TRRAP: variants seen among roughly 807,000 people sequenced by gnomAD.
TRRAP encodes transformation/transcription domain associated protein, also known as transformation/transcription domain-associated protein.
TRRAP carries 41 observed loss-of-function variants against 438.8 expected under a neutral mutation model. The ratio of observed to expected loss-of-function variants is 0.09; its 90% CI spans 0.07 to 0.12. The LOEUF (loss-of-function observed/expected upper bound fraction) is 0.12. Ranked by LOEUF, TRRAP falls within the 10% of genes least tolerant of loss-of-function variation. The pLI is 1.00. For missense variants in TRRAP, 3,122 were observed against 5,055.1 expected, an observed-to-expected ratio of 0.62 and a Z score of 11.60; for synonymous variants, 1,994 against 1,962.9, an observed-to-expected ratio of 1.02 and a Z score of -0.42.
At position 98,931,526 on chromosome 7, in the gene TRRAP, T is replaced by C; in HGVS notation, c.3713T>C (p.Phe1238Ser). 1 of 1,614,132 alleles carries C rather than the reference T, an allele frequency of 6.2e-7. No individual in the cohort carries two copies. The highest frequency in any genetic ancestry group is 1.3e-5 in the African/African-American group (1 of 75,044). Residue 1238 changes from phenylalanine (F) to serine (S), a missense_variant, in exon 26 of 73, where the codon TTC (phenylalanine) becomes TCC (serine). Coordinates refer to ENST00000456197, the MANE Select transcript of TRRAP (RefSeq NM_001375524.1). The stretch of plus-strand genomic sequence containing the variant: ...ATCGTGGCCGCCCAGGAAAAGTCTT[T>C]CCACCATGTGACACACGACTTGGTT... ...EEIVAAQEKSFHHVTHDLVRE... is the reference protein window; with the variant it reads ...EEIVAAQEKSSHHVTHDLVRE...
Position 98,933,338 on chromosome 7 carries a change from C to T in TRRAP, c.3950C>T (p.Thr1317Met), listed in dbSNP as rs782091419. The T allele has an allele frequency of 8.7e-6, 14 of 1,614,026 alleles. No homozygotes were observed. Among genetic ancestry groups the T allele is most frequent in the Admixed American group, 1.7e-5 (1 of 60,008 alleles). Residue 1317 changes from threonine (T) to methionine (M), a missense_variant, in exon 27 of 73, where the codon ACG becomes ATG. Thr to Met is a moderately conservative substitution (Grantham distance 81, BLOSUM62 -1). Transcript: ENST00000456197. ...GLMEGNTFCT[T>M]LQPRLFTMDL... ...ATGGAGGGGAACACGTTCTGTACCA[C>T]GTTGCAGCCCAGGCTCTTCACAATG...
intron 18 of TRRAP, among the ~76,000 whole-genome samples, 197 bp from the exon 19 acceptor site, chr7:98,915,526 A>T: frequency 6.6e-6 from 1 of 152,198 alleles, no homozygotes; most frequent in East Asian, 1.9e-4. Flanking sequence ...TTTGTTACAG[A>T]TACCAACATA....
rs1791925630 is a variant in TRRAP at position 98,962,175 on chromosome 7, C to G, written c.6704-127C>G. ...GCCCAGAGGTGAGGCCCACACTGTCCTGCAGGGAGAGAAGTGCCCGTGCCA... is the reference window on the plus strand; with the variant it reads ...GCCCAGAGGTGAGGCCCACACTGTCGTGCAGGGAGAGAAGTGCCCGTGCCA... On this transcript the variant is annotated intron_variant, in intron 46 of 72. Transcript: ENST00000456197. 6 of 1,427,346 alleles carry G rather than the reference C, an allele frequency of 4.2e-6. No homozygotes were observed. In the South Asian group the frequency reaches 6.4e-5, roughly 15 times the overall value. The allele number at this position is 1,427,346 out of a possible 1,614,324, so 88.4% of individuals were successfully genotyped here. A position where few individuals can be genotyped will look rare whatever the true frequency, so the allele number is the denominator to read the frequency against.
intron 7 of TRRAP, among the ~76,000 whole-genome samples, chr7:98,896,237 T>A (rs1321775069): frequency 2.0e-5 from 3 of 151,540 alleles, no homozygotes; most frequent in Non-Finnish European, 4.4e-5. Flanking sequence ...TTTTACTAAC[T>A]TTTTTTTCGA....
chr7:98,925,371 C>A, intron 22 of TRRAP, 108 bp downstream of exon 22: 1 of 1,426,932 alleles, frequency 7.0e-7, no homozygotes, highest in Non-Finnish European at 9.5e-7. Flanking sequence ...TCCTTGAAGT[C>A]CAGCAGATGC....
chr7:98,985,857 C>T (rs1363957526), intron 62 of TRRAP, among the ~76,000 whole-genome samples: 1 of 152,206 alleles, frequency 6.6e-6, no homozygotes, highest in East Asian at 1.9e-4. Context: ...AGTATATTTA[C>T]AGTGTTACAC....
At chr7:98,972,093 A>G in intron 53 of TRRAP, 148 bp downstream of exon 53, 1 of 1,182,158 alleles carries the variant, frequency 8.5e-7, no homozygotes, top group Non-Finnish European at 1.1e-6. Flanking sequence ...CCCAGCCTGC[A>G]GTCTAGTGGC....
intron 10 of TRRAP, among the ~76,000 whole-genome samples, chr7:98,900,261 T>C (rs1796416155): frequency 6.6e-6 from 1 of 152,146 alleles, no homozygotes; most frequent in South Asian, 2.1e-4. Flanking sequence ...CTGTGTCATT[T>C]GAGGGCAGCA....
At chr7:98,953,104 T>C in intron 39 of TRRAP, 63 bp from the exon 40 acceptor site, 2 of 1,560,490 alleles carry the variant, frequency 1.3e-6, no homozygotes, top group Non-Finnish European at 1.7e-6. Flanking sequence ...ACCTGTCGTA[T>C]GACCCTCAGT....
chr7:98,966,236 GTGGAGC>G (rs1340938495), intron 49 of TRRAP, among the ~76,000 whole-genome samples: 2 of 152,030 alleles, frequency 1.3e-5, no homozygotes, highest in Non-Finnish European at 2.9e-5. Context: ...AACCCAGGAG[GTGGAGC>G]TTGCGGTGAG....
rs1554410424 is a variant in TRRAP at position 98,921,117 on chromosome 7, G to T, written c.2623-636G>T. Among the ~76,000 whole-genome samples, 4 of 152,236 alleles carry T rather than the reference G, an allele frequency of 2.6e-5. No individual in the cohort carries two copies. The South Asian group carries it at 8.3e-4, about 32-fold the overall frequency. ...CTCCCAAAGTGCTGGGATTACAGGC[G>T]TGAGCAGCATGTGCCTAAACAAGAT... is the stretch of plus-strand genomic sequence containing the variant. On this transcript the variant is annotated intron_variant, in intron 20 of 72. Coordinates refer to ENST00000456197, the MANE Select transcript of TRRAP (RefSeq NM_001375524.1).
At chr7:98,942,099 G>T (rs782612864) in intron 30 of TRRAP, among the ~76,000 whole-genome samples, 3 of 152,222 alleles carry the variant, frequency 2.0e-5, no homozygotes, top group Non-Finnish European at 2.9e-5. Context: ...GCATTTGTCT[G>T]CCTGGTTTTG....
intron 62 of TRRAP, among the ~76,000 whole-genome samples, chr7:98,986,719 G>A (rs1470484402): frequency 3.3e-5 from 5 of 152,150 alleles, no homozygotes; most frequent in African/African-American, 4.8e-5. Context: ...TCCAATTCAT[G>A]TATTTTTTTC....
At chr7:98,933,008 AT>A (rs10634198) in intron 26 of TRRAP, among the ~76,000 whole-genome samples, 30 of 145,962 alleles carry the variant, frequency 2.1e-4, no homozygotes, top group East Asian at 8.0e-4. Context: ...TTTGTTTTGG[AT>A]TTTTTTTTTT....
Position 98,983,245 on chromosome 7 carries a change from C to T in TRRAP, c.8827-19C>T, listed in dbSNP as rs768102055. ...TTTACTGACATTTACCGCAGAGTCTCTTATGCTGGTCCCATCAGGCAGCCC... is the reference window on the plus strand; with the variant it reads ...TTTACTGACATTTACCGCAGAGTCTTTTATGCTGGTCCCATCAGGCAGCCC... On this transcript the variant is annotated intron_variant, in intron 59 of 72. Coordinates refer to ENST00000456197, the MANE Select transcript of TRRAP (RefSeq NM_001375524.1). 1.9e-6 allele frequency: 3 copies of T among 1,599,890 alleles called. No homozygotes were observed. Among genetic ancestry groups the T allele is most frequent in the Non-Finnish European group, 8.5e-7 (1 of 1,171,522 alleles).
intron 44 of TRRAP, 28 bp downstream of exon 44, chr7:98,958,119 G>T (rs1554420293): frequency 6.3e-7 from 1 of 1,596,314 alleles, no homozygotes; most frequent in South Asian, 1.1e-5. Flanking sequence ...CCTGCGTTAG[G>T]GCTTCTGCAG....
intron 37 of TRRAP, 60 bp from the exon 38 acceptor site, chr7:98,950,004 G>A (rs1791259329): frequency 3.1e-6 from 5 of 1,605,878 alleles, no homozygotes; most frequent in Non-Finnish European, 4.3e-6. Context: ...GCAAGTCAGA[G>A]GCGTAGTTGT....
Position 98,908,742 on chromosome 7 carries a change from G to A in TRRAP, c.1130G>A (p.Ser377Asn). Residue 377 changes from serine to asparagine, a missense_variant, in exon 14 of 73, where the codon AGC (serine) becomes AAC (asparagine). Physicochemically the swap from Ser to Asn is conservative, Grantham distance 46. Transcript: ENST00000456197. This position sits in a 1 kb window ranked among gnomAD's most constrained non-coding sequence, Gnocchi z 4.1. ...ARETLRPLAY[S>N]TLADLVHHVR... The stretch of plus-strand genomic sequence containing the variant: ...TCTGCCCGCAGGCCCCTCGCCTACA[G>A]CACGCTGGCCGACCTCGTGCACCAT... 6.4e-7 allele frequency: 1 copy of A among 1,553,112 alleles called. No individual in the cohort carries two copies. The highest frequency in any genetic ancestry group is 8.7e-7 in the Non-Finnish European group (1 of 1,149,834).
intron 6 of TRRAP, 111 bp downstream of exon 6, chr7:98,893,992 A>C: frequency 1.1e-6 from 1 of 919,324 alleles, no homozygotes; most frequent in Admixed American, 2.4e-5. Context: ...TCAAGTGTAG[A>C]AATACAGCCT....
Sources: allele counts gnomAD v4.1 joint callset (sites outside exome capture counted in the v4.1 genomes callset), GRCh38; gene constraint gnomAD v4.1.1; non-coding constraint Gnocchi (gnomAD v3.1); transcripts MANE v1.5; gene names NCBI Gene and HGNC (gene_info 2026-07-23, HGNC 2026-07-21).